PDE10A: variants seen among roughly 807,000 people sequenced by gnomAD.
PDE10A encodes phosphodiesterase 10A.
PDE10A carries 39 observed loss-of-function variants against 97.7 expected under a neutral mutation model. The ratio of observed to expected loss-of-function variants is 0.40; its 90% CI spans 0.31 to 0.52. The LOEUF (loss-of-function observed/expected upper bound fraction) is 0.52. PDE10A is among the 20% of genes least tolerant of loss of function. The pLI, the probability that PDE10A is intolerant of heterozygous loss-of-function variation, is 0.56. For missense variants in PDE10A, 731 were observed against 1,047.8 expected (o/e 0.70, Z 4.17); for synonymous variants, 371 against 376.8 (o/e 0.98, Z 0.18).
rs10946111 is a variant in PDE10A at position 165,966,831 on chromosome 6, A to T, written c.-615+20698T>A. Among the ~76,000 whole-genome samples, 126 of 152,244 alleles carry T rather than the reference A, an allele frequency of 8.3e-4. 1 individual carries two copies. Among genetic ancestry groups the T allele is most frequent in the South Asian group, 5.0e-3 (24 of 4,828 alleles). ...TTATATTCTGATTTTATGCCAAAAG[A>T]GATTTCAGGTAGCTTACAAAACTGC... On this transcript the variant is annotated intron_variant, in intron 1 of 19. Transcript: ENST00000366882.
At chr6:165,896,814 G>A (rs1583250873) in intron 1 of PDE10A, among the ~76,000 whole-genome samples, 1 of 151,708 alleles carries the variant, frequency 6.6e-6, no homozygotes, top group South Asian at 2.1e-4. Flanking sequence ...GTGAGCCACC[G>A]CACCCAGCCA....
At chr6:165,611,353 C>T (rs1787485430) in intron 1 of PDE10A, among the ~76,000 whole-genome samples, 1 of 152,178 alleles carries the variant, frequency 6.6e-6, no homozygotes, top group Non-Finnish European at 1.5e-5. Flanking sequence ...CCCCTGCTTA[C>T]CAACCACAGT....
In PDE10A at chr6:165,958,563, A is replaced by AAGAAAGAC. The variant is rs1554230956; in HGVS notation, c.-615+28965_-615+28966insGTCTTTCT. On this transcript the variant is annotated intron_variant, in intron 1 of 19. Coordinates refer to the PDE10A transcript ENST00000366882. ...AAAGAAAGAAAGAAAGAAAGAAAGA[A>AAGAAAGAC]AGACAGACAGAAAGAAAGACAGAAA... Among the ~76,000 whole-genome samples the AAGAAAGAC allele has an allele frequency of 3.2e-3, 49 of 15,262 alleles. 2 individuals are homozygous for AAGAAAGAC. Among genetic ancestry groups the AAGAAAGAC allele is most frequent in the Non-Finnish European group, 6.7e-3 (42 of 6,276 alleles). The allele number at this position is 15,262 out of a possible 152,430, so 10.0% of individuals were successfully genotyped here.
intron 1 of PDE10A, among the ~76,000 whole-genome samples, chr6:165,879,608 A>T (rs905788804): frequency 6.6e-6 from 1 of 152,174 alleles, no homozygotes; most frequent in African/African-American, 2.4e-5. Context: ...AGATATCAAA[A>T]TCCTCGGATG....
chr6:165,862,928 C>T (rs573628203), intron 1 of PDE10A, among the ~76,000 whole-genome samples: 1 of 152,224 alleles, frequency 6.6e-6, no homozygotes, highest in Non-Finnish European at 1.5e-5. Flanking sequence ...GATCTGCCCG[C>T]CTTTGCTTCC....
Position 165,534,679 on chromosome 6 carries a change from A to T in PDE10A, c.994+8761T>A, listed in dbSNP as rs548672337. Among the ~76,000 whole-genome samples the T allele has an allele frequency of 3.3e-5, 5 of 152,266 alleles. No homozygotes were observed. In the East Asian group the frequency reaches 5.8e-4, roughly 18 times the overall value. On this transcript the variant is annotated intron_variant, in intron 2 of 21. Coordinates refer to ENST00000539869, the MANE Select transcript of PDE10A (RefSeq NM_001385079.1). ...TCAATAAATATGATATATCACATTA[A>T]TAGAATGAGACAGAAAGCATATGAT...
chr6:165,433,658 T>A (rs1482877576), intron 6 of PDE10A, among the ~76,000 whole-genome samples: 3 of 152,190 alleles, frequency 2.0e-5, no homozygotes, highest in Non-Finnish European at 4.4e-5. Flanking sequence ...ATCAATTACT[T>A]ATCATAAGAA....
chr6:165,621,770 A>G (rs562865397), intron 1 of PDE10A, among the ~76,000 whole-genome samples: 15,655 of 150,362 alleles, frequency 0.1, 901 homozygotes, highest in Non-Finnish European at 0.13. Flanking sequence ...AAAGAAAAAA[A>G]AAAGAAGAAG....
chr6:165,744,254 G>A (rs1296557212), intron 1 of PDE10A, among the ~76,000 whole-genome samples: 3 of 152,144 alleles, frequency 2.0e-5, no homozygotes, highest in African/African-American at 7.2e-5. Flanking sequence ...GCATAAAACA[G>A]ATAAGGCATA....
intron 1 of PDE10A, among the ~76,000 whole-genome samples, chr6:165,561,398 C>A (rs1177455892): frequency 6.6e-6 from 1 of 152,056 alleles, no homozygotes; most frequent in Admixed American, 6.6e-5. Context: ...CATAAATTAC[C>A]CAGTCTCAGG....
intron 1 of PDE10A, among the ~76,000 whole-genome samples, chr6:165,620,990 C>G (rs1243257225): frequency 1.4e-5 from 2 of 146,998 alleles, no homozygotes; most frequent in African/African-American, 5.1e-5. Flanking sequence ...CACTGCACTC[C>G]AGCCTGGCAA....
intron 1 of PDE10A, among the ~76,000 whole-genome samples, chr6:165,681,198 C>A (rs1167879071): frequency 6.6e-6 from 1 of 152,150 alleles, no homozygotes; most frequent in African/African-American, 2.4e-5. Context: ...CTGTGTGGTA[C>A]GTATCAGCAT....
At chr6:165,748,815 T>C (rs1792901267) in intron 1 of PDE10A, among the ~76,000 whole-genome samples, 1 of 151,474 alleles carries the variant, frequency 6.6e-6, no homozygotes, top group Non-Finnish European at 1.5e-5. Flanking sequence ...AGTTTGTGTG[T>C]GTGTGTGTGT....
chr6:165,942,832 C>T (rs1341486205), intron 1 of PDE10A, among the ~76,000 whole-genome samples: 1 of 152,166 alleles, frequency 6.6e-6, no homozygotes, highest in Admixed American at 6.5e-5. Context: ...GGTGTAACTA[C>T]AGCCCATTCT....
chr6:165,570,347 G>GT (rs2128344125), intron 1 of PDE10A, among the ~76,000 whole-genome samples: 1 of 152,274 alleles, frequency 6.6e-6, no homozygotes, highest in Admixed American at 6.5e-5. Context: ...GCATTACCAT[G>GT]TTCCTAATGC....
Position 165,448,953 on chromosome 6 carries a change from A to G in PDE10A, c.1169T>C (p.Leu390Pro). The G allele has an allele frequency of 6.2e-7, 1 of 1,612,738 alleles. No individual in the cohort carries two copies. Among genetic ancestry groups the G allele is most frequent in the Non-Finnish European group, 8.5e-7 (1 of 1,178,894 alleles). The change falls in exon 5 of 22, where the codon CTG (leucine) becomes CCG (proline). Residue 390 changes from leucine to proline, a missense_variant. Leu to Pro is a moderately conservative substitution (Grantham distance 98, BLOSUM62 -3). Transcript: ENST00000539869. ...KIATKADGFA[L>P]YFLGECNNSL... Reference sequence around the variant, plus strand: ...ATTATTGCACTCTCCAAGGAAATACAGTGCAAATCCATCGGCTTTTGTGGC... The same window carrying G: ...ATTATTGCACTCTCCAAGGAAATACGGTGCAAATCCATCGGCTTTTGTGGC...
chr6:165,616,832 G>A (rs749284467), intron 1 of PDE10A, among the ~76,000 whole-genome samples: 19 of 152,078 alleles, frequency 1.2e-4, no homozygotes, highest in Non-Finnish European at 2.6e-4. Context: ...TGCACCACCA[G>A]TTTTCACAAA....
intron 1 of PDE10A, among the ~76,000 whole-genome samples, chr6:165,933,693 C>A (rs1562804701): frequency 6.6e-6 from 1 of 152,312 alleles, no homozygotes; most frequent in African/African-American, 2.4e-5. Flanking sequence ...GCCCAAGTTT[C>A]ATAGAATATA....
intron 3 of PDE10A, among the ~76,000 whole-genome samples, chr6:165,479,471 C>T (rs962544356): frequency 1.1e-4 from 17 of 152,172 alleles, no homozygotes; most frequent in African/African-American, 4.1e-4. Flanking sequence ...CAGATTCCCG[C>T]TCAAATTTCA....
Sources: allele counts gnomAD v4.1 joint callset (sites outside exome capture counted in the v4.1 genomes callset), GRCh38; gene constraint gnomAD v4.1.1; transcripts MANE v1.5; gene names NCBI Gene and HGNC (gene_info 2026-07-23, HGNC 2026-07-21).